The following GRIN3A variants were observed in gnomAD, a reference collection of about 807,000 sequenced individuals.
The protein encoded by GRIN3A is glutamate ionotropic receptor NMDA type subunit 3A, also known as glutamate receptor ionotropic, NMDA 3A.
Under a neutral mutation model 92.4 loss-of-function variants are expected in GRIN3A, and 47 were observed. That is an observed-to-expected ratio of 0.51 (90% confidence interval 0.40 to 0.65). The LOEUF (loss-of-function observed/expected upper bound fraction) is 0.65, where lower values mean the gene tolerates loss of function less well. GRIN3A is among the 30% of genes least tolerant of loss of function. The pLI is 0.00. For missense variants in GRIN3A, 1,324 were observed against 1,393.1 expected (o/e 0.95, Z 0.79); for synonymous variants, 527 against 540.6 (o/e 0.97, Z 0.35).
chr9:101,598,436 G>A (rs1328784647), intron 6 of GRIN3A, among the ~76,000 whole-genome samples: 1 of 152,024 alleles, frequency 6.6e-6, no homozygotes, highest in African/African-American at 2.4e-5. Flanking sequence ...TTATTAATTA[G>A]GTATTATATT....
intron 1 of GRIN3A, among the ~76,000 whole-genome samples, chr9:101,728,094 T>A (rs1342744900): frequency 1.3e-5 from 2 of 152,162 alleles, no homozygotes; most frequent in Non-Finnish European, 2.9e-5. Flanking sequence ...TGTTTAAGAA[T>A]GTCTGGTTGG....
chr9:101,639,799 A>G (rs1020277460), intron 3 of GRIN3A, among the ~76,000 whole-genome samples: 1 of 152,246 alleles, frequency 6.6e-6, no homozygotes, highest in African/African-American at 2.4e-5. Context: ...ACCTAAAGGT[A>G]AGAAGTTATA....
chr9:101,647,850 G>C (rs1287342430), intron 3 of GRIN3A, among the ~76,000 whole-genome samples: 1 of 151,140 alleles, frequency 6.6e-6, no homozygotes, highest in Non-Finnish European at 1.5e-5. Flanking sequence ...TTTTGTTTTT[G>C]GTTTTATTTG....
At chr9:101,720,950 A>G (rs1451713896) in intron 1 of GRIN3A, among the ~76,000 whole-genome samples, 2 of 152,210 alleles carry the variant, frequency 1.3e-5, no homozygotes, top group Middle Eastern at 3.2e-3. Flanking sequence ...CCTGTGACAC[A>G]AGTTTACCTA....
chr9:101,675,442 T>G (rs544064854), intron 2 of GRIN3A, among the ~76,000 whole-genome samples: 52 of 152,090 alleles, frequency 3.4e-4, no homozygotes, highest in African/African-American at 1.2e-3. Context: ...TTAAAGTATT[T>G]TCTTATTTAT....
intron 1 of GRIN3A, among the ~76,000 whole-genome samples, chr9:101,728,867 T>C (rs563085135): frequency 6.6e-5 from 10 of 152,326 alleles, no homozygotes; most frequent in African/African-American, 2.4e-4. Context: ...GAGATTTTGC[T>C]TCATGAGGTG....
rs781585316 is a variant in GRIN3A, at chr9:101,569,529, C to G, written c.*3645G>C. On this transcript the variant is annotated 3_prime_UTR_variant, in exon 9 of 9. Transcript: ENST00000361820. ...CTTCCTGGAGCGGAGCGATTGCAAACACATTAAAATGAAGACACAATGCAA... is the reference window on the plus strand; with the variant it reads ...CTTCCTGGAGCGGAGCGATTGCAAAGACATTAAAATGAAGACACAATGCAA... The G allele has an allele frequency of 2.6e-5, 4 of 152,062 alleles. No homozygotes were observed. The highest frequency in any genetic ancestry group is 5.9e-5 in the Non-Finnish European group (4 of 68,010). The allele number at this position is 152,062 out of a possible 1,614,324, so 9.4% of individuals were successfully genotyped here.
At chr9:101,637,186 G>T (rs1162198938) in intron 3 of GRIN3A, among the ~76,000 whole-genome samples, 1 of 151,954 alleles carries the variant, frequency 6.6e-6, no homozygotes, top group African/African-American at 2.4e-5. Context: ...TCCGCCTCCT[G>T]GGTTCGCACC....
chr9:101,665,167 A>ATAG (rs1014024707), intron 3 of GRIN3A, among the ~76,000 whole-genome samples: 1 of 151,982 alleles, frequency 6.6e-6, no homozygotes, highest in Non-Finnish European at 1.5e-5. Flanking sequence ...TTTTAAGAAA[A>ATAG]TAGTAGATAG....
chr9:101,580,681 T>C (rs2118787934), intron 6 of GRIN3A, among the ~76,000 whole-genome samples: 1 of 152,348 alleles, frequency 6.6e-6, no homozygotes. Flanking sequence ...AGGAACTTAA[T>C]GATATTTATT....
chr9:101,664,325 C>T (rs1829211683), intron 3 of GRIN3A, among the ~76,000 whole-genome samples: 2 of 151,872 alleles, frequency 1.3e-5, no homozygotes, highest in African/African-American at 4.8e-5. Flanking sequence ...GAGGAAATAT[C>T]CAAATAAGTT....
chr9:101,656,547 C>T (rs1829090751), intron 3 of GRIN3A, among the ~76,000 whole-genome samples: 1 of 151,844 alleles, frequency 6.6e-6, no homozygotes, highest in African/African-American at 2.4e-5. Flanking sequence ...TGACCTATAG[C>T]TTTGCTTCTC....
Position 101,738,337 on chromosome 9 carries a change from A to C in GRIN3A, c.-358T>G. 3.0e-6 allele frequency: 1 copy of C among 329,184 alleles called. No homozygotes were observed. Among genetic ancestry groups the C allele is most frequent in the East Asian group, 7.9e-5 (1 of 12,706 alleles). The allele number at this position is 329,184 out of a possible 1,614,324, so 20.4% of individuals were successfully genotyped here. A position where few individuals can be genotyped will look rare whatever the true frequency, so the allele number is the denominator to read the frequency against. ...CGTCCGGCCCCGCGAGGCGGCCGGG[A>C]TGAGAAGCAGCCGGAGTTCCTCGGG... On this transcript the variant is annotated 5_prime_UTR_variant, in exon 1 of 9. Transcript: ENST00000361820.
rs1000678189 is a variant in GRIN3A, at chr9:101,724,511, T to G, written c.699+12770A>C. ...TCTCCCTCCGCACCTCCCTGCAAGC[T>G]GAGGGAGCAGGCTCCGGCCTTGGCC... On this transcript the variant is annotated intron_variant, in intron 1 of 8. Transcript: ENST00000361820. 9.9e-5 allele frequency among the ~76,000 whole-genome samples: 15 copies of G among 152,108 alleles called. No homozygotes were observed. The South Asian group carries it at 2.9e-3, about 29-fold the overall frequency.
chr9:101,653,565 C>G lies in GRIN3A; in HGVS notation c.2352+16495G>C, dbSNP rs144703959. Among the ~76,000 whole-genome samples, 302 of 151,896 alleles carry G rather than the reference C, an allele frequency of 2.0e-3. 3 individuals are homozygous for G. The Middle Eastern group carries it at 0.02, about 10-fold the overall frequency. On this transcript the variant is annotated intron_variant, in intron 3 of 8. Transcript: ENST00000361820. The stretch of plus-strand genomic sequence containing the variant: ...TAAAATACTTTTTAAAATAATGTTG[C>G]TTTCCTAGTAAAACCAACTTTTAGG...
intron 1 of GRIN3A, 72 bp from the exon 2 acceptor site, chr9:101,687,272 T>C: frequency 2.0e-6 from 3 of 1,483,828 alleles, no homozygotes; most frequent in Non-Finnish European, 1.9e-6. Context: ...GTACTTTTGC[T>C]TTCTTATGAG....
At chr9:101,669,064 G>A (rs575028067) in intron 3 of GRIN3A, among the ~76,000 whole-genome samples, 1 of 152,270 alleles carries the variant, frequency 6.6e-6, no homozygotes, top group African/African-American at 2.4e-5. Context: ...TGTCCTGAGT[G>A]TGCCTGCTGA....
At chr9:101,697,900 A>G (rs1449468915) in intron 1 of GRIN3A, among the ~76,000 whole-genome samples, 1 of 152,294 alleles carries the variant, frequency 6.6e-6, no homozygotes, top group East Asian at 1.9e-4. Context: ...TGTATAAATG[A>G]TACTTGTGGT....
chr9:101,654,819 C>A (rs1284958184), intron 3 of GRIN3A, among the ~76,000 whole-genome samples: 1 of 151,856 alleles, frequency 6.6e-6, no homozygotes, highest in Non-Finnish European at 1.5e-5. Context: ...ACACTCATCT[C>A]ATGGGTATGG....
Sources: allele counts gnomAD v4.1 joint callset (sites outside exome capture counted in the v4.1 genomes callset), GRCh38; gene constraint gnomAD v4.1.1; transcripts MANE v1.5; gene names NCBI Gene and HGNC (gene_info 2026-07-23, HGNC 2026-07-21).